Variants in MAML2 observed in about 807,000 individuals in gnomAD.
MAML2 encodes the protein mastermind like transcriptional coactivator 2.
A neutral mutation model predicts 96.1 loss-of-function variants in MAML2; 22 were observed. That is an observed-to-expected ratio of 0.23 (90% CI 0.16 to 0.33). The LOEUF (loss-of-function observed/expected upper bound fraction) is 0.33. Ranked by LOEUF, MAML2 falls within the 10% of genes least tolerant of loss-of-function variation. MAML2 has a pLI of 1.00. For missense variants in MAML2, 1,367 were observed against 1,392.4 expected (o/e 0.98, Z 0.29); for synonymous variants, 561 against 521.3 (o/e 1.08, Z -1.04).
In MAML2 at chr11:96,342,249, T is replaced by C. The variant is rs957732227; in HGVS notation, c.-354A>G. 10 of 443,090 alleles carry C rather than the reference T, an allele frequency of 2.3e-5. No individual in the cohort carries two copies. The highest frequency in any genetic ancestry group is 7.7e-5 in the Admixed American group (2 of 26,088). 27.4% of individuals were successfully genotyped at this position (443,090 alleles called of 1,614,324 possible). ...CACTAGGTACTTTGTAAACACACGA[T>C]CTGGGGGTTAGATCAAGAATTCAGG... On this transcript the variant is annotated 5_prime_UTR_variant, in exon 1 of 5. Coordinates refer to ENST00000524717, the MANE Select transcript of MAML2 (RefSeq NM_032427.4).
intron 2 of MAML2, among the ~76,000 whole-genome samples, chr11:96,006,870 TATACACACACACACAC>T (rs1332078693): frequency 1.4e-4 from 15 of 109,902 alleles, no homozygotes; most frequent in South Asian, 6.6e-4. Context: ...AGGAATATCT[TATACACACACACACAC>T]ACACACACAC....
In MAML2 at chr11:96,278,966, G is replaced by A. The variant is rs140814710; in HGVS notation, c.513+62417C>T. ...GTGGCAGTGGGTATAAAGGAGAAGG[G>A]AGGACTAGAAGAGATATTTAAGATG... On this transcript the variant is annotated intron_variant, in intron 1 of 4. Coordinates refer to ENST00000524717, the MANE Select transcript of MAML2 (RefSeq NM_032427.4). 5.4e-4 allele frequency among the ~76,000 whole-genome samples: 82 copies of A among 152,308 alleles called. No individual in the cohort carries two copies. The Middle Eastern group carries it at 0.01, about 19-fold the overall frequency.
At chr11:96,105,386 C>A (rs1050831404) in intron 1 of MAML2, among the ~76,000 whole-genome samples, 1 of 152,176 alleles carries the variant, frequency 6.6e-6, no homozygotes, top group African/African-American at 2.4e-5. Flanking sequence ...AGTAAAACTT[C>A]AATCTGAATC....
intron 1 of MAML2, among the ~76,000 whole-genome samples, chr11:96,158,264 C>T (rs546568423): frequency 2.0e-5 from 3 of 152,316 alleles, no homozygotes; most frequent in African/African-American, 7.2e-5. Flanking sequence ...TCTGTTGACA[C>T]GTGTTGGTTT....
intron 2 of MAML2, among the ~76,000 whole-genome samples, chr11:96,031,518 C>T (rs543500863): frequency 6.6e-6 from 1 of 152,248 alleles, no homozygotes; most frequent in African/African-American, 2.4e-5. Context: ...TAACATAGTT[C>T]ATGACCCAAA....
chr11:96,249,120 A>G (rs1862549726), intron 1 of MAML2, among the ~76,000 whole-genome samples: 1 of 152,220 alleles, frequency 6.6e-6, no homozygotes, highest in Non-Finnish European at 1.5e-5. Context: ...TATTGGCAGT[A>G]TTTGACAACA....
At chr11:96,046,863 G>GGCTT (rs1338533864) in intron 2 of MAML2, among the ~76,000 whole-genome samples, 1 of 152,168 alleles carries the variant, frequency 6.6e-6, no homozygotes, top group African/African-American at 2.4e-5. Context: ...AGTTGACAGA[G>GGCTT]GCTTTCCTTC....
chr11:96,063,611 T>C (rs1033025106), intron 2 of MAML2, among the ~76,000 whole-genome samples: 3 of 152,208 alleles, frequency 2.0e-5, no homozygotes, highest in African/African-American at 7.2e-5. Context: ...CTCCTATTTA[T>C]AGAAAAGAGG....
chr11:96,312,810 T>C lies in MAML2; in HGVS notation c.513+28573A>G, dbSNP rs565343933. ...CCATCGACTTACCTGTTGTGAAAAATAGCTTTAGTTTCTTATCAGGAACTA... is the reference window on the plus strand; with the variant it reads ...CCATCGACTTACCTGTTGTGAAAAACAGCTTTAGTTTCTTATCAGGAACTA... On this transcript the variant is annotated intron_variant, in intron 1 of 4. Transcript: ENST00000524717. Among the ~76,000 whole-genome samples the C allele has an allele frequency of 1.3e-4, 20 of 152,322 alleles. No individual in the cohort carries two copies. The East Asian group carries it at 3.7e-3, about 28-fold the overall frequency.
chr11:96,074,912 G>C (rs1047345418), intron 2 of MAML2, among the ~76,000 whole-genome samples: 1 of 152,224 alleles, frequency 6.6e-6, no homozygotes, highest in Non-Finnish European at 1.5e-5. Context: ...CTGGAGGGCA[G>C]GGAGTGGTGT....
At chr11:95,997,711 T>A (rs1443799011) in intron 2 of MAML2, among the ~76,000 whole-genome samples, 1 of 152,134 alleles carries the variant, frequency 6.6e-6, no homozygotes, top group African/African-American at 2.4e-5. Context: ...GCATTTGAGA[T>A]CTTCATTTCA....
intron 1 of MAML2, among the ~76,000 whole-genome samples, chr11:96,324,831 G>A (rs1347687717): frequency 6.6e-6 from 1 of 152,178 alleles, no homozygotes; most frequent in Non-Finnish European, 1.5e-5. Flanking sequence ...TGGTGGCAGA[G>A]AAGAGTCTAC....
intron 1 of MAML2, among the ~76,000 whole-genome samples, chr11:96,325,080 C>A (rs532657703): frequency 6.6e-6 from 1 of 152,264 alleles, no homozygotes; most frequent in Admixed American, 6.5e-5. Context: ...TGTCTGACAT[C>A]CTCATTCCAT....
intron 1 of MAML2, among the ~76,000 whole-genome samples, chr11:96,325,237 G>C (rs757196849): frequency 2.0e-5 from 3 of 152,050 alleles, no homozygotes; most frequent in Non-Finnish European, 2.9e-5. Context: ...CCAGCTTTGT[G>C]CCTCCTGCAT....
chr11:96,145,876 G>T (rs1860807433), intron 1 of MAML2, among the ~76,000 whole-genome samples: 1 of 152,190 alleles, frequency 6.6e-6, no homozygotes. Context: ...GGGCATGGTG[G>T]TGGGTGCCTG....
chr11:96,339,290 G>A (rs1006830206), intron 1 of MAML2, among the ~76,000 whole-genome samples: 5 of 152,178 alleles, frequency 3.3e-5, no homozygotes, highest in Non-Finnish European at 5.9e-5. Context: ...TTTCAGTCGG[G>A]AAGGGCCAGA....
chr11:95,987,865 T>A (rs1857851208), intron 3 of MAML2, among the ~76,000 whole-genome samples: 2 of 152,154 alleles, frequency 1.3e-5, no homozygotes. Context: ...GTTTACAAAT[T>A]AAGGGAAAAA....
chr11:96,214,232 T>A (rs1418666379), intron 1 of MAML2, among the ~76,000 whole-genome samples: 1 of 152,218 alleles, frequency 6.6e-6, no homozygotes, highest in Non-Finnish European at 1.5e-5. Context: ...TAATTTCTAA[T>A]ATAGGTCTTT....
intron 1 of MAML2, among the ~76,000 whole-genome samples, chr11:96,182,687 T>C (rs1001268002): frequency 1.6e-4 from 25 of 152,242 alleles, no homozygotes; most frequent in African/African-American, 5.8e-4. Flanking sequence ...AAGATCAAAG[T>C]AGTTAAGTAG....
Sources: allele counts gnomAD v4.1 joint callset (sites outside exome capture counted in the v4.1 genomes callset), GRCh38; gene constraint gnomAD v4.1.1; transcripts MANE v1.5; gene names NCBI Gene and HGNC (gene_info 2026-07-23, HGNC 2026-07-21).